KATNAL2: variants seen among roughly 807,000 people sequenced by gnomAD.
The protein encoded by KATNAL2 is katanin p60 ATPase-containing subunit A-like 2.
In KATNAL2, 52 loss-of-function variants were observed where a neutral mutation model predicts 76.3. The observed-to-expected ratio is 0.68, with a 90% CI of 0.55 to 0.86. KATNAL2 has a LOEUF of 0.86. Ranked by LOEUF, KATNAL2 falls within the 40% of genes least tolerant of loss-of-function variation. The probability of loss-of-function intolerance (pLI) is 0.00; values close to 1 mark genes in which losing one functional copy is unlikely to be tolerated. For missense variants in KATNAL2, 660 were observed against 668.9 expected, an observed-to-expected ratio of 0.99 and a Z score of 0.15; for synonymous variants, 243 against 244.2, an observed-to-expected ratio of 1.00 and a Z score of 0.05.
At chr18:47,062,116 G>T (rs531876130) in intron 8 of KATNAL2, among the ~76,000 whole-genome samples, 1 of 152,092 alleles carries the variant, frequency 6.6e-6, no homozygotes, top group Non-Finnish European at 1.5e-5. Context: ...ATGCTGGTTC[G>T]CACCTGTAAT....
chr18:46,939,590 G>C (rs778820470), intron 1 of KATNAL2, among the ~76,000 whole-genome samples: 43 of 152,128 alleles, frequency 2.8e-4, no homozygotes, highest in Non-Finnish European at 5.4e-4. Flanking sequence ...AGGCCCTGCA[G>C]ACCTATTCAT....
At chr18:47,094,354 C>T (rs992675799) in intron 15 of KATNAL2, among the ~76,000 whole-genome samples, 1 of 152,194 alleles carries the variant, frequency 6.6e-6, no homozygotes, top group African/African-American at 2.4e-5. Context: ...GACTAAGACA[C>T]TCTTCTTGTT....
chr18:46,933,366 AAAAG>A (rs2058991107), intron 1 of KATNAL2, among the ~76,000 whole-genome samples: 1 of 152,228 alleles, frequency 6.6e-6, no homozygotes, highest in Non-Finnish European at 1.5e-5. Flanking sequence ...GGGCAAGAGA[AAAAG>A]AAATCTAAAT....
intron 15 of KATNAL2, among the ~76,000 whole-genome samples, chr18:47,085,047 G>A (rs1292899320): frequency 2.0e-5 from 3 of 151,780 alleles, no homozygotes; most frequent in East Asian, 3.9e-4. Flanking sequence ...TTGCAGCCCC[G>A]GCCCCAGCTC....
intron 3 of KATNAL2, among the ~76,000 whole-genome samples, chr18:47,038,593 A>G (rs1219750642): frequency 6.6e-6 from 1 of 152,142 alleles, no homozygotes; most frequent in Non-Finnish European, 1.5e-5. Context: ...GATTTTGTCA[A>G]TTTGCTCTGC....
At chr18:47,040,327 G>A (rs2060921283) in intron 3 of KATNAL2, among the ~76,000 whole-genome samples, 1 of 152,186 alleles carries the variant, frequency 6.6e-6, no homozygotes, top group African/African-American at 2.4e-5. Context: ...ACAGGTTTTG[G>A]TAAATTAAAA....
intron 3 of KATNAL2, chr18:47,035,659 C>G (rs2576049): frequency 3.4e-5 from 13 of 381,320 alleles, no homozygotes; most frequent in South Asian, 1.2e-4. Flanking sequence ...GTACTCATGC[C>G]GTCAGCACAA....
chr18:47,067,163 C>A, intron 11 of KATNAL2, 44 bp downstream of exon 11: 1 of 971,466 alleles, frequency 1.0e-6, no homozygotes, highest in Non-Finnish European at 1.6e-6. Flanking sequence ...GTTCACTATC[C>A]ATTGGACAAG....
Position 47,063,359 on chromosome 18 carries a change from C to T in KATNAL2, c.724C>T (p.Arg242Trp), listed in dbSNP as rs2061693884. ...EMRELAAVVSRDIYLHNPNIK... is the reference protein window; with the variant it reads ...EMRELAAVVSWDIYLHNPNIK... ...GCGAGAATTGGCAGCCGTGGTGAGC[C>T]GGGTAAGATCTGATATTCAATTCAC... Residue 242 changes from arginine to tryptophan, a missense_variant and splice_region_variant, in exon 10 of 18, where the codon CGG becomes TGG. Coordinates refer to ENST00000683218, the MANE Select transcript of KATNAL2 (RefSeq NM_001387690.1). The T allele has an allele frequency of 3.7e-6, 6 of 1,613,068 alleles. No homozygotes were observed. Among genetic ancestry groups the T allele is most frequent in the Non-Finnish European group, 5.1e-6 (6 of 1,179,358 alleles).
intron 13 of KATNAL2, among the ~76,000 whole-genome samples, chr18:47,071,953 CTTTT>C (rs574265545): frequency 0.1 from 4,467 of 43,878 alleles, 696 homozygotes; most frequent in Middle Eastern, 0.12. Context: ...CCAATTTCTT[CTTTT>C]TTTTTTTTTT....
intron 14 of KATNAL2, among the ~76,000 whole-genome samples, chr18:47,076,826 TATAG>T (rs2062255202): frequency 1.3e-5 from 2 of 148,240 alleles, no homozygotes; most frequent in Non-Finnish European, 3.0e-5. Context: ...CACATATATA[TATAG>T]AGAGAGACGG....
chr18:47,094,465 C>G (rs1232469184), intron 15 of KATNAL2, among the ~76,000 whole-genome samples: 3 of 152,128 alleles, frequency 2.0e-5, no homozygotes, highest in Non-Finnish European at 4.4e-5. Context: ...TATTTTCCAC[C>G]ATTAATTTGT....
At chr18:47,067,283 G>T (rs370476660) in intron 11 of KATNAL2, among the ~76,000 whole-genome samples, 164 bp downstream of exon 11, 2 of 152,032 alleles carry the variant, frequency 1.3e-5, no homozygotes, top group South Asian at 2.1e-4. Flanking sequence ...ACCAAAGCCT[G>T]GTCCATTCTA....
chr18:47,062,898 T>G lies in KATNAL2; in HGVS notation c.550-74T>G, dbSNP rs576016280. 6.3e-5 allele frequency: 77 copies of G among 1,220,238 alleles called. No individual in the cohort carries two copies. The African/African-American group carries it at 9.5e-4, about 15-fold the overall frequency. 75.6% of individuals were successfully genotyped at this position (1,220,238 alleles called of 1,614,324 possible). ...CCAGGGTCTATAAATGTGTCTTGGTTTAATGAAACTGAGTTATTAAGAAGA... is the reference window on the plus strand; with the variant it reads ...CCAGGGTCTATAAATGTGTCTTGGTGTAATGAAACTGAGTTATTAAGAAGA... On this transcript the variant is annotated intron_variant, in intron 8 of 17. Transcript: ENST00000683218.
At chr18:47,054,149 G>A (rs2061409509) in intron 5 of KATNAL2, among the ~76,000 whole-genome samples, 2 of 152,188 alleles carry the variant, frequency 1.3e-5, no homozygotes, top group South Asian at 4.1e-4. Context: ...CACAGTCTCT[G>A]ACATGTTTAA....
At chr18:46,958,122 G>A (rs924947753) in intron 3 of KATNAL2, among the ~76,000 whole-genome samples, 4 of 151,766 alleles carry the variant, frequency 2.6e-5, no homozygotes, top group Non-Finnish European at 2.9e-5. Flanking sequence ...CTGGGACAGC[G>A]TTTTGTTTTT....
At chr18:47,069,382 T>C (rs2061919270) in intron 12 of KATNAL2, 99 bp downstream of exon 12, 2 of 1,355,092 alleles carry the variant, frequency 1.5e-6, no homozygotes, top group Non-Finnish European at 2.1e-6. Context: ...ACACGAGAGC[T>C]GAGCAGTCAC....
At chr18:46,934,428 T>A (rs1269629324) in intron 1 of KATNAL2, among the ~76,000 whole-genome samples, 1 of 152,264 alleles carries the variant, frequency 6.6e-6, no homozygotes, top group Non-Finnish European at 1.5e-5. Flanking sequence ...ACGTGTCTTT[T>A]GGCTGCATAA....
chr18:47,045,410 C>T (rs2061126542), intron 3 of KATNAL2, among the ~76,000 whole-genome samples: 1 of 151,470 alleles, frequency 6.6e-6, no homozygotes, highest in Non-Finnish European at 1.5e-5. Flanking sequence ...ACTGCAACCT[C>T]TGCCTTCCAG....
Sources: gnomAD v4.1 joint callset for allele counts (sites outside exome capture counted in the v4.1 genomes callset) on GRCh38, gnomAD v4.1.1 for gene constraint, MANE v1.5 for transcripts, NCBI Gene and HGNC (gene_info 2026-07-23, HGNC 2026-07-21) for gene names.